ZSCAN25: variants seen among roughly 807,000 people sequenced by gnomAD.
ZSCAN25 encodes the protein zinc finger and SCAN domain containing 25.
In ZSCAN25, 27 loss-of-function variants were observed where a neutral mutation model predicts 38.7. The ratio of observed to expected loss-of-function variants is 0.70; its 90% confidence interval spans 0.51 to 0.96. The LOEUF (loss-of-function observed/expected upper bound fraction) is 0.96. Among genes scored for constraint, ZSCAN25 ranks in the 40% least tolerant of loss-of-function variants. ZSCAN25 has a pLI of 0.00. For missense variants in ZSCAN25, 637 were observed against 705.9 expected, an observed-to-expected ratio of 0.90 and a Z score of 1.11; for synonymous variants, 273 against 277.7, an observed-to-expected ratio of 0.98 and a Z score of 0.17.
chr7:99,647,458 A>C, the ZSCAN25 span: 1 of 983,688 alleles, frequency 1.0e-6, no homozygotes, highest in Admixed American at 6.1e-5. Flanking sequence ...CGAATTGACA[A>C]TTTTTTATTC....
At chr7:99,689,102 A>G in the ZSCAN25 span, among the ~76,000 whole-genome samples, 1 of 152,236 alleles carries the variant, frequency 6.6e-6, no homozygotes, top group Admixed American at 6.5e-5. Flanking sequence ...ATCACAATTA[A>G]AAGAACTAGA....
At chr7:99,679,925 G>A in the ZSCAN25 span, 6 of 1,604,652 alleles carry the variant, frequency 3.7e-6, no homozygotes, top group Non-Finnish European at 5.1e-6. Flanking sequence ...ACTGTGTTCT[G>A]TGAGTCTTCC....
chr7:99,658,665 C>A, the ZSCAN25 span, among the ~76,000 whole-genome samples: 1 of 152,200 alleles, frequency 6.6e-6, no homozygotes, highest in East Asian at 1.9e-4. Flanking sequence ...TGGATAATAT[C>A]CTGCAGAGTG....
At chr7:99,723,316 C>T in the ZSCAN25 span, among the ~76,000 whole-genome samples, 1 of 152,144 alleles carries the variant, frequency 6.6e-6, no homozygotes, top group African/African-American at 2.4e-5. Context: ...ATTGATCGAC[C>T]TCGTGACATT....
chr7:99,688,471 A>T, the ZSCAN25 span, among the ~76,000 whole-genome samples: 1 of 152,256 alleles, frequency 6.6e-6, no homozygotes, highest in African/African-American at 2.4e-5. Flanking sequence ...AGAAGAGCTA[A>T]CTATCCTAAA....
the ZSCAN25 span, among the ~76,000 whole-genome samples, chr7:99,684,544 T>A: frequency 5.9e-5 from 9 of 152,312 alleles, no homozygotes; most frequent in East Asian, 1.7e-3. Context: ...CTCACCTATG[T>A]TAATAATCAC....
At chr7:99,648,471 G>A in the ZSCAN25 span, 3 of 814,334 alleles carry the variant, frequency 3.7e-6, no homozygotes, top group South Asian at 1.5e-5. Context: ...AAGCAAAGTA[G>A]AAAAAATATG....
At chr7:99,627,135 G>T (rs1464144621) in intron 7 of ZSCAN25, among the ~76,000 whole-genome samples, 2 of 152,114 alleles carry the variant, frequency 1.3e-5, no homozygotes, top group Non-Finnish European at 2.9e-5. Flanking sequence ...TATAATGTGT[G>T]TTTTGTTTTG....
At chr7:99,683,683 C>A in the ZSCAN25 span, among the ~76,000 whole-genome samples, 2 of 152,148 alleles carry the variant, frequency 1.3e-5, no homozygotes, top group Non-Finnish European at 1.5e-5. Context: ...TAGGCTCTGG[C>A]TGCTTTTTCA....
the ZSCAN25 span, among the ~76,000 whole-genome samples, chr7:99,678,485 C>G: frequency 1.3e-5 from 2 of 152,268 alleles, no homozygotes; most frequent in East Asian, 3.9e-4. Flanking sequence ...AATGGCCGGA[C>G]AGGTATATTT....
At chr7:99,622,679 C>T (rs763272369) in intron 6 of ZSCAN25, 39 bp downstream of exon 6, 2 of 1,587,424 alleles carry the variant, frequency 1.3e-6, no homozygotes, top group Admixed American at 3.4e-5. Flanking sequence ...ATGACCGTTG[C>T]TTTGATTGAG....
the ZSCAN25 span, among the ~76,000 whole-genome samples, chr7:99,689,362 A>G: frequency 6.6e-6 from 1 of 152,332 alleles, no homozygotes; most frequent in African/African-American, 2.4e-5. Context: ...AGAAATACAA[A>G]CTACCATCAG....
chr7:99,629,091 G>T lies in ZSCAN25; in HGVS notation c.806-100G>T, dbSNP rs1157356749. On this transcript the variant is annotated intron_variant, in intron 7 of 7. Transcript: ENST00000394152. The surrounding 1 kb of genome is among the most constrained non-coding windows in gnomAD (Gnocchi z 5.6). ...TGAGGTTGTTGGTCAAAGGAAAAAA[G>T]AGAAGGAACCATGAATGGGACCCCT... The T allele has an allele frequency of 1.4e-6, 2 of 1,479,072 alleles. No homozygotes were observed. The allele number at this position is 1,479,072 out of a possible 1,614,324, so 91.6% of individuals were successfully genotyped here. A position where few individuals can be genotyped will look rare whatever the true frequency, so the allele number is the denominator to read the frequency against.
chr7:99,696,862 A>G, the ZSCAN25 span, among the ~76,000 whole-genome samples: 2 of 152,148 alleles, frequency 1.3e-5, no homozygotes, highest in African/African-American at 2.4e-5. Context: ...TCCTCGTGAC[A>G]ATGAGTTTTT....
At chr7:99,620,214 T>G (rs1806830735) in intron 4 of ZSCAN25, 3 of 638,306 alleles carry the variant, frequency 4.7e-6, no homozygotes, top group Non-Finnish European at 7.8e-6. Context: ...AGCCTCTGTT[T>G]GGTCATGAGG....
the ZSCAN25 span, among the ~76,000 whole-genome samples, chr7:99,661,455 A>C: frequency 6.6e-6 from 1 of 152,224 alleles, no homozygotes; most frequent in Admixed American, 6.5e-5. Flanking sequence ...AAAAAGCCAG[A>C]AGCATGGTGA....
At chr7:99,647,855 T>C in the ZSCAN25 span, 3 of 985,218 alleles carry the variant, frequency 3.0e-6, no homozygotes, top group Non-Finnish European at 3.6e-6. Flanking sequence ...AATATTTTTG[T>C]AAAGGGGATT....
chr7:99,638,798 G>T, the ZSCAN25 span: 2 of 823,092 alleles, frequency 2.4e-6, no homozygotes, highest in Non-Finnish European at 4.1e-6. Context: ...GGGGCATTCA[G>T]GTGTCCTGGG....
intron 6 of ZSCAN25, among the ~76,000 whole-genome samples, chr7:99,623,724 G>A (rs1017509926): frequency 6.6e-6 from 1 of 152,216 alleles, no homozygotes; most frequent in Non-Finnish European, 1.5e-5. Flanking sequence ...AATTGAGGAT[G>A]CATTTATTTT....
Sources: gnomAD v4.1 joint callset for allele counts (sites outside exome capture counted in the v4.1 genomes callset) on GRCh38, gnomAD v4.1.1 for gene constraint, Gnocchi (gnomAD v3.1) non-coding constraint, MANE v1.5 for transcripts, NCBI Gene and HGNC (gene_info 2026-07-23, HGNC 2026-07-21) for gene names.